MTMR7: variants seen among roughly 807,000 people sequenced by gnomAD.
MTMR7 encodes myotubularin related protein 7.
A neutral mutation model predicts 81.2 loss-of-function variants in MTMR7; 76 were observed. That is an observed-to-expected ratio of 0.94 (90% CI 0.78 to 1.13). The LOEUF (loss-of-function observed/expected upper bound fraction) is 1.13, where lower values mean the gene tolerates loss of function less well. Ranked by LOEUF, MTMR7 falls within the 50% of genes most tolerant of loss-of-function variation. The probability of loss-of-function intolerance (pLI) is 0.00; values close to 1 mark genes in which losing one functional copy is unlikely to be tolerated. For missense variants in MTMR7, 1,044 were observed against 820.0 expected (o/e 1.27, Z -3.34); for synonymous variants, 372 against 289.8 (o/e 1.28, Z -2.88).
At chr8:17,313,963 T>C (rs1259523683) in intron 7 of MTMR7, among the ~76,000 whole-genome samples, 4 of 152,180 alleles carry the variant, frequency 2.6e-5, no homozygotes, top group Non-Finnish European at 4.4e-5. Flanking sequence ...AAATAACACA[T>C]ATGCCTCTGA....
chr8:17,396,344 T>C (rs141811546), intron 1 of MTMR7, among the ~76,000 whole-genome samples: 11 of 152,338 alleles, frequency 7.2e-5, no homozygotes, highest in African/African-American at 1.4e-4. Context: ...AAGACAGTCT[T>C]GAATTGCCGA....
rs180745155 is a variant in MTMR7, at chr8:17,300,022, T to C, written c.1823A>G (p.Asp608Gly). ...ATCTGGATCTGAACTTTTCAGATTG[T>C]CTTGGGTTAGAATCAGAGCAGAATC... ...DEDSALILTQ[D>G]NLKSSDPDLS... is the part of the protein sequence containing the mutation. Residue 608 changes from aspartate to glycine, a missense_variant, in exon 14 of 14, where the codon GAC (aspartate) becomes GGC (glycine). Transcript: ENST00000180173. 1.2e-5 allele frequency: 19 copies of C among 1,614,156 alleles called. No individual in the cohort carries two copies. The East Asian group carries it at 4.0e-4, about 34-fold the overall frequency.
chr8:17,371,293 A>T, intron 2 of MTMR7, 94 bp from the exon 3 acceptor site: 1 of 1,404,622 alleles, frequency 7.1e-7, no homozygotes, highest in Non-Finnish European at 9.7e-7. Context: ...GAAAGACAAG[A>T]AACGCTCCCC....
chr8:17,339,924 A>C (rs988238784), intron 6 of MTMR7, among the ~76,000 whole-genome samples: 20 of 152,208 alleles, frequency 1.3e-4, no homozygotes, highest in Admixed American at 6.5e-4. Flanking sequence ...AAACCACTGT[A>C]AACAGTGTGG....
At chr8:17,338,232 A>G (rs1293936219) in intron 6 of MTMR7, among the ~76,000 whole-genome samples, 1 of 152,244 alleles carries the variant, frequency 6.6e-6, no homozygotes, top group Middle Eastern at 3.2e-3. Context: ...CTCATCGCTG[A>G]GAGTAAACAC....
chr8:17,396,546 G>A lies in MTMR7; in HGVS notation c.24+16723C>T, dbSNP rs556913455. Among the ~76,000 whole-genome samples, 363 of 152,296 alleles carry A rather than the reference G, an allele frequency of 2.4e-3. 4 individuals are homozygous for A. Among genetic ancestry groups the A allele is most frequent in the Non-Finnish European group, 3.1e-3 (211 of 68,026 alleles). On this transcript the variant is annotated intron_variant, in intron 1 of 13. Coordinates refer to ENST00000180173, the MANE Select transcript of MTMR7 (RefSeq NM_004686.5). ...GGAGTATGTGGACCAGCCTTAGCTA[G>A]AGGGAAATTGCCTATCCCAGTGGTC...
intron 1 of MTMR7, among the ~76,000 whole-genome samples, chr8:17,374,536 G>A (rs983998491): frequency 1.3e-5 from 2 of 152,088 alleles, no homozygotes; most frequent in South Asian, 2.1e-4. Context: ...CAGGAGAATC[G>A]CTTGAACCCA....
chr8:17,315,287 A>G (rs1165299983), intron 7 of MTMR7, among the ~76,000 whole-genome samples: 1 of 152,188 alleles, frequency 6.6e-6, no homozygotes, highest in African/African-American at 2.4e-5. Context: ...CCTCCTAGAA[A>G]AGGCAAAACT....
intron 6 of MTMR7, among the ~76,000 whole-genome samples, chr8:17,335,905 T>G (rs1819221976): frequency 6.6e-6 from 1 of 152,182 alleles, no homozygotes; most frequent in South Asian, 2.1e-4. Context: ...ACAGGCTGTG[T>G]GGACTGCTGA....
chr8:17,344,993 A>G (rs1473233815), intron 5 of MTMR7, among the ~76,000 whole-genome samples: 1 of 152,158 alleles, frequency 6.6e-6, no homozygotes, highest in East Asian at 1.9e-4. Flanking sequence ...GTAATAAAGA[A>G]CAAAGGCTAT....
At chr8:17,306,531 A>G (rs1413293952) in intron 10 of MTMR7, among the ~76,000 whole-genome samples, 1 of 152,218 alleles carries the variant, frequency 6.6e-6, no homozygotes, top group Non-Finnish European at 1.5e-5. Flanking sequence ...TTGCTTTTCA[A>G]GAGCACATCA....
At position 17,303,006 on chromosome 8, in the gene MTMR7, T is replaced by C. The variant is rs550454711; in HGVS notation, c.1494-726A>G. ...GATTATAGGCGGGAGCCACCACGCC[T>C]GACCAATAAATCCCTTTTTATCCTA... On this transcript the variant is annotated intron_variant, in intron 12 of 13. Transcript: ENST00000180173. 4.2e-3 allele frequency among the ~76,000 whole-genome samples: 632 copies of C among 152,166 alleles called. 3 individuals carry two copies. Among genetic ancestry groups the C allele is most frequent in the African/African-American group, 0.014 (585 of 41,518 alleles).
intron 3 of MTMR7, among the ~76,000 whole-genome samples, chr8:17,364,889 G>A (rs902298275): frequency 6.6e-6 from 1 of 152,216 alleles, no homozygotes; most frequent in Non-Finnish European, 1.5e-5. Flanking sequence ...GAGAGCAGAC[G>A]TTTCTTTAAC....
intron 7 of MTMR7, among the ~76,000 whole-genome samples, chr8:17,326,803 T>C (rs1818706855): frequency 6.6e-6 from 1 of 152,226 alleles, no homozygotes; most frequent in Non-Finnish European, 1.5e-5. Flanking sequence ...CCTTGAAAGA[T>C]GCTAAGAGGG....
chr8:17,350,380 G>A (rs551744857), intron 4 of MTMR7, among the ~76,000 whole-genome samples: 1 of 152,356 alleles, frequency 6.6e-6, no homozygotes, highest in South Asian at 2.1e-4. Context: ...GGTGAAGGAG[G>A]AGCAGAGGCA....
intron 6 of MTMR7, among the ~76,000 whole-genome samples, chr8:17,339,474 T>A (rs1403960138): frequency 1.3e-5 from 2 of 152,210 alleles, no homozygotes; most frequent in African/African-American, 4.8e-5. Flanking sequence ...TTACTTTCAA[T>A]AGCTCTGAAA....
At chr8:17,396,907 G>C (rs970894350) in intron 1 of MTMR7, among the ~76,000 whole-genome samples, 2 of 151,932 alleles carry the variant, frequency 1.3e-5, no homozygotes, top group Non-Finnish European at 2.9e-5. Context: ...ATACCAGGCA[G>C]AGTTAGTTGT....
intron 12 of MTMR7, among the ~76,000 whole-genome samples, chr8:17,302,663 G>C (rs1467067738): frequency 3.4e-5 from 4 of 116,550 alleles, no homozygotes; most frequent in Non-Finnish European, 5.1e-5. Flanking sequence ...TTTATCTTTT[G>C]TATCACGACC....
intron 5 of MTMR7, among the ~76,000 whole-genome samples, chr8:17,346,884 TAAAAAAAAAAAAA>T (rs55910829): frequency 3.1e-5 from 2 of 65,048 alleles, no homozygotes; most frequent in Non-Finnish European, 5.9e-5. Context: ...CCTATCTTAA[TAAAAAAAAAAAAA>T]AAAAAAAAAA....
Sources: allele counts gnomAD v4.1 joint callset (sites outside exome capture counted in the v4.1 genomes callset), GRCh38; gene constraint gnomAD v4.1.1; transcripts MANE v1.5; gene names NCBI Gene and HGNC (gene_info 2026-07-23, HGNC 2026-07-21).